Variants in CREB5 observed in about 807,000 individuals in gnomAD.
CREB5 encodes the protein cAMP responsive element binding protein 5.
In CREB5, 19 loss-of-function variants were observed where a neutral mutation model predicts 57.1. The ratio of observed to expected loss-of-function variants is 0.33; its 90% CI spans 0.23 to 0.49. The LOEUF (loss-of-function observed/expected upper bound fraction) is 0.49. Among genes scored for constraint, CREB5 ranks in the 20% least tolerant of loss-of-function variants. CREB5 has a pLI of 0.99. For synonymous variants in CREB5, 238 were observed against 238.3 expected, an observed-to-expected ratio of 1.00 and a Z score of 0.01; for missense variants, 579 against 671.6, an observed-to-expected ratio of 0.86 and a Z score of 1.52.
intron 7 of CREB5, among the ~76,000 whole-genome samples, chr7:28,757,808 T>C (rs1353880685): frequency 2.0e-5 from 3 of 152,144 alleles, no homozygotes; most frequent in African/African-American, 7.2e-5. Context: ...TTTGGAATAT[T>C]TACATTACAC....
intron 4 of CREB5, among the ~76,000 whole-genome samples, chr7:28,567,510 A>G (rs1393936103): frequency 1.3e-5 from 2 of 152,214 alleles, no homozygotes; most frequent in Admixed American, 6.5e-5. Flanking sequence ...GGGGAGTAAA[A>G]TCAGATTTAG....
chr7:28,569,825 A>T (rs1311748559), intron 4 of CREB5, among the ~76,000 whole-genome samples: 1 of 152,152 alleles, frequency 6.6e-6, no homozygotes, highest in Non-Finnish European at 1.5e-5. Context: ...TATTCCAATC[A>T]CGCATCCTCA....
chr7:28,434,828 G>T (rs1788881821), intron 1 of CREB5, among the ~76,000 whole-genome samples: 1 of 152,136 alleles, frequency 6.6e-6, no homozygotes, highest in Non-Finnish European at 1.5e-5. Flanking sequence ...TTGGAACTGG[G>T]TGTTAATTTA....
chr7:28,300,572 TA>T lies in CREB5; in HGVS notation c.-25+1139del, dbSNP rs1043424273. Among the ~76,000 whole-genome samples, 5 of 151,956 alleles carry T rather than the reference TA, an allele frequency of 3.3e-5. No individual in the cohort carries two copies. The East Asian group carries it at 7.7e-4, about 24-fold the overall frequency. On this transcript the variant is annotated intron_variant, in intron 1 of 9. Coordinates refer to the CREB5 transcript ENST00000396299. ...TTTTGAGGAGTTTTCATACTAGCAGTAAAAAAAATACACATTTAAACAAAAA... is the reference window on the plus strand; with the variant it reads ...TTTTGAGGAGTTTTCATACTAGCAGTAAAAAAATACACATTTAAACAAAAA...
rs1017776933 is a variant in CREB5 at position 28,471,145 on chromosome 7, T to C, written c.4-17030T>C. Among the ~76,000 whole-genome samples the C allele has an allele frequency of 3.1e-4, 47 of 152,194 alleles. 1 individual carries two copies. Among genetic ancestry groups the C allele is most frequent in the African/African-American group, 1.1e-3 (47 of 41,466 alleles). Reference sequence around the variant, plus strand: ...CATGTGGGTATTACTCAAATCTTTGTCCAGACCAATGTCCTGGAGAGTTTT... The same window carrying C: ...CATGTGGGTATTACTCAAATCTTTGCCCAGACCAATGTCCTGGAGAGTTTT... On this transcript the variant is annotated intron_variant, in intron 1 of 10. Coordinates refer to ENST00000357727, the MANE Select transcript of CREB5 (RefSeq NM_182898.4).
At position 28,751,758 on chromosome 7, in the gene CREB5, C is replaced by T. The variant is rs1273910848; in HGVS notation, c.702+27426C>T. On this transcript the variant is annotated intron_variant, in intron 7 of 10. Transcript: ENST00000357727. ...ATTAACATTGGTGCAATGTTATTAA[C>T]TAAACTTCAGACTTTATTCATATTT... Among the ~76,000 whole-genome samples, 3 of 152,312 alleles carry T rather than the reference C, an allele frequency of 2.0e-5. No homozygotes were observed. The East Asian group carries it at 5.8e-4, about 29-fold the overall frequency.
At chr7:28,817,306 G>A (rs1005515299) in intron 9 of CREB5, among the ~76,000 whole-genome samples, 1 of 152,136 alleles carries the variant, frequency 6.6e-6, no homozygotes, top group Non-Finnish European at 1.5e-5. Context: ...CATACCTCCT[G>A]CTCAGTGGGC....
intron 1 of CREB5, among the ~76,000 whole-genome samples, chr7:28,434,581 G>A (rs1788866041): frequency 6.6e-6 from 1 of 152,122 alleles, no homozygotes; most frequent in Admixed American, 6.5e-5. Context: ...ATAGATTATT[G>A]TAACTCAATA....
intron 5 of CREB5, among the ~76,000 whole-genome samples, chr7:28,593,631 G>T (rs191384641): frequency 2.0e-5 from 3 of 152,302 alleles, no homozygotes; most frequent in Admixed American, 2.0e-4. Flanking sequence ...ACATTTCTAT[G>T]AATATAATCT....
upstream of CREB5, among the ~76,000 whole-genome samples, chr7:28,409,183 C>T (rs1382428686): frequency 6.6e-6 from 1 of 151,426 alleles, no homozygotes; most frequent in African/African-American, 2.4e-5. This position sits in a 1 kb window ranked among gnomAD's most constrained non-coding sequence, Gnocchi z 4.4. Context: ...CACCAGGGTC[C>T]GCGCGGGCGG....
chr7:28,560,889 T>TGCGCGTGC (rs1310018316), intron 4 of CREB5, among the ~76,000 whole-genome samples: 7 of 18,208 alleles, frequency 3.8e-4, no homozygotes, highest in Non-Finnish European at 5.0e-4. Context: ...CGTGCGTGCG[T>TGCGCGTGC]GTGTGTGCGT....
At chr7:28,423,827 C>T (rs1788380104) in intron 1 of CREB5, among the ~76,000 whole-genome samples, 1 of 152,184 alleles carries the variant, frequency 6.6e-6, no homozygotes, top group Admixed American at 6.5e-5. Flanking sequence ...AGAGTGGCTC[C>T]ACAGGGAGAA....
intron 7 of CREB5, among the ~76,000 whole-genome samples, chr7:28,736,862 C>T (rs1309794132): frequency 2.8e-5 from 4 of 145,046 alleles, no homozygotes; most frequent in Middle Eastern, 3.6e-3. Flanking sequence ...CCCTGATGTT[C>T]CTCTGTGGGT....
chr7:28,511,750 T>G (rs1326924165), intron 4 of CREB5, among the ~76,000 whole-genome samples: 2 of 152,210 alleles, frequency 1.3e-5, no homozygotes, highest in Non-Finnish European at 2.9e-5. Flanking sequence ...CCTCCCAAAG[T>G]GCTGGGATTA....
At chr7:28,616,171 CA>C (rs777414379) in intron 5 of CREB5, among the ~76,000 whole-genome samples, 69 of 152,190 alleles carry the variant, frequency 4.5e-4, no homozygotes, top group Non-Finnish European at 4.7e-4. Context: ...GAGTCAAGTT[CA>C]AATTTTTGGC....
intron 5 of CREB5, among the ~76,000 whole-genome samples, chr7:28,682,281 G>T (rs756880698): frequency 6.6e-6 from 1 of 152,212 alleles, no homozygotes; most frequent in Non-Finnish European, 1.5e-5. Flanking sequence ...GGTTCAGGAT[G>T]CATGCTGCAC....
chr7:28,657,716 C>CA (rs1562553675), intron 5 of CREB5, among the ~76,000 whole-genome samples: 61 of 32,672 alleles, frequency 1.9e-3, no homozygotes, highest in African/African-American at 6.5e-3. Flanking sequence ...GACTCTCTCT[C>CA]GAAAAAAAAA....
intron 5 of CREB5, among the ~76,000 whole-genome samples, chr7:28,574,892 CGTAACTTA>C (rs1277765913): frequency 1.3e-5 from 2 of 152,130 alleles, no homozygotes; most frequent in Admixed American, 6.5e-5. Flanking sequence ...CCACATGATG[CGTAACTTA>C]GGCATTTGGT....
intron 1 of CREB5, among the ~76,000 whole-genome samples, chr7:28,402,196 T>G: frequency 6.6e-6 from 1 of 152,254 alleles, no homozygotes; most frequent in Admixed American, 6.5e-5. Context: ...GTCTGTTGGC[T>G]GCATAAATGT....
Sources: allele counts gnomAD v4.1 joint callset (sites outside exome capture counted in the v4.1 genomes callset), GRCh38; gene constraint gnomAD v4.1.1; non-coding constraint Gnocchi (gnomAD v3.1); transcripts MANE v1.5; gene names NCBI Gene and HGNC (gene_info 2026-07-23, HGNC 2026-07-21).